Variants in EHHADH observed in about 807,000 individuals in gnomAD.
The protein encoded by EHHADH is enoyl-CoA hydratase and 3-hydroxyacyl CoA dehydrogenase.
Under a neutral mutation model 64.4 loss-of-function variants are expected in EHHADH, and 48 were observed. That is an observed-to-expected ratio of 0.75 (90% CI 0.59 to 0.95). EHHADH has a LOEUF of 0.95. Ranked by LOEUF, EHHADH falls within the 40% of genes least tolerant of loss-of-function variation. The pLI is 0.00. For synonymous variants in EHHADH, 308 were observed against 326.7 expected (o/e 0.94, Z 0.62); for missense variants, 854 against 876.6 (o/e 0.97, Z 0.33).
At position 185,254,033 on chromosome 3, in the gene EHHADH, T is replaced by C; in HGVS notation, c.-11A>G. The C allele has an allele frequency of 6.2e-7, 1 of 1,612,880 alleles. No homozygotes were observed. Among genetic ancestry groups the C allele is most frequent in the Non-Finnish European group, 8.5e-7 (1 of 1,179,156 alleles). On this transcript the variant is annotated 5_prime_UTR_variant, in exon 1 of 7. Coordinates refer to ENST00000231887, the MANE Select transcript of EHHADH (RefSeq NM_001966.4). The stretch of plus-strand genomic sequence containing the variant: ...CGTATACTCGGCCATGTTTCCTCTA[T>C]CACCGAGGGCACCTCTGCCTCTCGC...
At chr3:185,227,300 A>C (rs766799874) in intron 4 of EHHADH, among the ~76,000 whole-genome samples, 4 of 152,332 alleles carry the variant, frequency 2.6e-5, no homozygotes, top group African/African-American at 7.2e-5. Context: ...TGGGGGGCCA[A>C]GGCAGGCGGA....
At chr3:185,222,738 G>C (rs1006553307) in intron 4 of EHHADH, among the ~76,000 whole-genome samples, 8 of 152,146 alleles carry the variant, frequency 5.3e-5, no homozygotes, top group African/African-American at 1.9e-4. Flanking sequence ...CAAGGACTCT[G>C]TAAAGGTCTT....
intron 1 of EHHADH, among the ~76,000 whole-genome samples, chr3:185,251,031 C>T (rs1719730005): frequency 6.6e-6 from 1 of 152,116 alleles, no homozygotes; most frequent in African/African-American, 2.4e-5. Context: ...AACAGATACG[C>T]ACTTTACTAG....
intron 3 of EHHADH, among the ~76,000 whole-genome samples, chr3:185,230,529 T>C (rs1020417460): frequency 2.0e-5 from 3 of 152,122 alleles, no homozygotes; most frequent in African/African-American, 2.4e-5. Context: ...TGGATGAACA[T>C]TGAAAACATG....
Position 185,204,755 on chromosome 3 carries a change from G to T in EHHADH, c.571C>A (p.Gln191Lys). The T allele has an allele frequency of 1.3e-6, 2 of 1,599,382 alleles. No individual in the cohort carries two copies. Among genetic ancestry groups the T allele is most frequent in the South Asian group, 1.1e-5 (1 of 89,710 alleles). ...CAGAGTCTACGGGATTCTAGAGGTT[G>T]ATCTGAAAGGAATAAGAAGGATCAG... ...AIRFAQRVSD[Q>K]PLESRRLCNK... is the part of the protein sequence containing the mutation. Residue 191 changes from glutamine to lysine, a missense_variant and splice_region_variant, in exon 6 of 7, where the codon CAA becomes AAA. Coordinates refer to ENST00000231887, the MANE Select transcript of EHHADH (RefSeq NM_001966.4).
At chr3:185,204,313 T>A in intron 6 of EHHADH, 103 bp downstream of exon 6, 1 of 1,026,010 alleles carries the variant, frequency 9.7e-7, no homozygotes, top group Non-Finnish European at 1.4e-6. Flanking sequence ...CTAACACAAG[T>A]AATGTGTCTT....
At chr3:185,213,738 A>G (rs1329967170) in intron 5 of EHHADH, among the ~76,000 whole-genome samples, 1 of 151,728 alleles carries the variant, frequency 6.6e-6, no homozygotes, top group Non-Finnish European at 1.5e-5. Flanking sequence ...AAATTAGCTG[A>G]GTGTGGTGAT....
At chr3:185,246,932 T>C (rs999944089) in intron 2 of EHHADH, among the ~76,000 whole-genome samples, 3 of 152,180 alleles carry the variant, frequency 2.0e-5, no homozygotes, top group African/African-American at 4.8e-5. Flanking sequence ...TTTTATATTA[T>C]GTTTTCATTG....
At chr3:185,224,501 C>CAAAAAAAAAAAA (rs757023353) in intron 4 of EHHADH, among the ~76,000 whole-genome samples, 2 of 51,606 alleles carry the variant, frequency 3.9e-5, no homozygotes, top group Non-Finnish European at 7.9e-5. Flanking sequence ...ACCCTGTCAC[C>CAAAAAAAAAAAA]AAAAAAAAAA....
intron 6 of EHHADH, among the ~76,000 whole-genome samples, chr3:185,199,064 G>C (rs374603375): frequency 2.9e-4 from 44 of 151,984 alleles, no homozygotes; most frequent in Non-Finnish European, 1.6e-4. Context: ...TGATTCAAAG[G>C]GAAAAAATTA....
At chr3:185,251,748 G>GA (rs1560024471) in intron 1 of EHHADH, among the ~76,000 whole-genome samples, 1 of 151,826 alleles carries the variant, frequency 6.6e-6, no homozygotes. Context: ...AAAAGTGTAA[G>GA]AAAAAAATTG....
At chr3:185,228,674 G>A (rs1340968880) in intron 4 of EHHADH, among the ~76,000 whole-genome samples, 10 of 151,454 alleles carry the variant, frequency 6.6e-5, no homozygotes, top group South Asian at 2.1e-4. Flanking sequence ...GCGAAACTCC[G>A]TCTCAAAAAA....
chr3:185,210,233 A>G (rs1187521793), intron 5 of EHHADH, among the ~76,000 whole-genome samples: 1 of 152,190 alleles, frequency 6.6e-6, no homozygotes, highest in Non-Finnish European at 1.5e-5. Flanking sequence ...GCTTCTCAAC[A>G]TCATAGCACA....
intron 6 of EHHADH, among the ~76,000 whole-genome samples, chr3:185,196,555 G>A (rs778164407): frequency 8.5e-5 from 13 of 152,194 alleles, no homozygotes; most frequent in Admixed American, 5.9e-4. Context: ...CAGGAGAATC[G>A]TTTGAACCTG....
chr3:185,197,310 A>G (rs551556750), intron 6 of EHHADH, among the ~76,000 whole-genome samples: 1 of 152,322 alleles, frequency 6.6e-6, no homozygotes, highest in Non-Finnish European at 1.5e-5. Flanking sequence ...TTGTGGCAAA[A>G]TACACATAAG....
At chr3:185,235,604 G>T in intron 2 of EHHADH, 142 bp from the exon 3 acceptor site, 1 of 639,192 alleles carries the variant, frequency 1.6e-6, no homozygotes, top group South Asian at 3.5e-5. Flanking sequence ...GATGACTAAA[G>T]TCTCAGACCT....
At chr3:185,207,148 G>A (rs1286165061) in intron 5 of EHHADH, among the ~76,000 whole-genome samples, 1 of 152,018 alleles carries the variant, frequency 6.6e-6, no homozygotes, top group Non-Finnish European at 1.5e-5. Context: ...AAATTAGCCG[G>A]GCATGGTGGC....
chr3:185,224,271 G>A (rs1033617932), intron 4 of EHHADH, among the ~76,000 whole-genome samples: 3 of 151,784 alleles, frequency 2.0e-5, no homozygotes, highest in Admixed American at 6.6e-5. Context: ...AGGCCGAGGC[G>A]GGTGGCTCAC....
At chr3:185,240,414 A>C (rs550281824) in intron 2 of EHHADH, among the ~76,000 whole-genome samples, 3 of 151,916 alleles carry the variant, frequency 2.0e-5, no homozygotes, top group South Asian at 2.1e-4. Flanking sequence ...TTTTTTGGTC[A>C]AAAAATTTTT....
Sources: allele counts gnomAD v4.1 joint callset (sites outside exome capture counted in the v4.1 genomes callset), GRCh38; gene constraint gnomAD v4.1.1; transcripts MANE v1.5; gene names NCBI Gene and HGNC (gene_info 2026-07-23, HGNC 2026-07-21).